The following NOX3 variants were observed in gnomAD, a reference collection of about 807,000 sequenced individuals.
NOX3 encodes NADPH oxidase 3.
A neutral mutation model predicts 76.7 loss-of-function variants in NOX3; 74 were observed. The ratio of observed to expected loss-of-function variants is 0.96; its 90% CI spans 0.80 to 1.17. NOX3 has a LOEUF of 1.17. Among genes scored for constraint, NOX3 ranks in the 50% most tolerant of loss-of-function variants. The probability of loss-of-function intolerance (pLI) is 0.00; values close to 1 mark genes in which losing one functional copy is unlikely to be tolerated. For synonymous variants in NOX3, 263 were observed against 261.1 expected (o/e 1.01, Z -0.07); for missense variants, 695 against 703.3 (o/e 0.99, Z 0.13).
chr6:155,416,468 T>C (rs1037969781), intron 10 of NOX3, among the ~76,000 whole-genome samples: 9 of 152,170 alleles, frequency 5.9e-5, no homozygotes, highest in African/African-American at 2.2e-4. Context: ...ATATTTCTTC[T>C]TAATGATAAG....
At chr6:155,427,526 T>C (rs1007527374) in intron 9 of NOX3, among the ~76,000 whole-genome samples, 5 of 152,204 alleles carry the variant, frequency 3.3e-5, no homozygotes, top group African/African-American at 1.2e-4. Flanking sequence ...CACTGGAGAT[T>C]CCGAGGAGGA....
chr6:155,414,443 T>C (rs530486703), intron 10 of NOX3, among the ~76,000 whole-genome samples: 1 of 152,240 alleles, frequency 6.6e-6, no homozygotes, highest in South Asian at 2.1e-4. Context: ...GTAGAAAGCA[T>C]GCCTTTTCAG....
At chr6:155,443,566 G>T in intron 4 of NOX3, 148 bp from the exon 5 acceptor site, 4 of 880,330 alleles carry the variant, frequency 4.5e-6, no homozygotes, top group Non-Finnish European at 6.7e-6. Flanking sequence ...ATCTTTCCCA[G>T]TGCTTTGAGT....
At chr6:155,408,397 C>T (rs553455955) in intron 11 of NOX3, among the ~76,000 whole-genome samples, 2 of 152,270 alleles carry the variant, frequency 1.3e-5, no homozygotes, top group South Asian at 4.1e-4. Context: ...CCTTAGACCC[C>T]TATGTGGTGC....
intron 12 of NOX3, among the ~76,000 whole-genome samples, chr6:155,406,260 G>A (rs373588709): frequency 8.6e-5 from 13 of 151,976 alleles, no homozygotes; most frequent in East Asian, 5.8e-4. Flanking sequence ...GTATATTTAC[G>A]TTATGAAAAC....
At chr6:155,403,915 AAAATAAATAAAT>A (rs561681617) in intron 12 of NOX3, among the ~76,000 whole-genome samples, 3 of 151,880 alleles carry the variant, frequency 2.0e-5, no homozygotes, top group Admixed American at 6.6e-5. Flanking sequence ...TTTGTGTGTA[AAAATAAATAAAT>A]AAATAAATAA....
chr6:155,396,238 A>G (rs1307378487), intron 13 of NOX3, among the ~76,000 whole-genome samples: 2 of 152,228 alleles, frequency 1.3e-5, no homozygotes, highest in Non-Finnish European at 2.9e-5. Context: ...TGTGAAAGAT[A>G]ACCTCCATTG....
chr6:155,431,228 A>C (rs9384327), intron 7 of NOX3, among the ~76,000 whole-genome samples: 12,162 of 152,202 alleles, frequency 0.08, 1,766 homozygotes, highest in East Asian at 0.71. Flanking sequence ...CAAAGAAATA[A>C]AAAAGCAGAT....
Position 155,429,168 on chromosome 6 carries a change from C to T in NOX3, c.892-121G>A, listed in dbSNP as rs1042865939. ...TGTTTCAGGTGTAATTTACATATCC[C>T]ATCTGCTGTTAGCTCCCAAAGATAT... On this transcript the variant is annotated intron_variant, in intron 8 of 13. Coordinates refer to ENST00000159060, the MANE Select transcript of NOX3 (RefSeq NM_015718.3). 1.1e-5 allele frequency: 11 copies of T among 969,532 alleles called. No individual in the cohort carries two copies. The African/African-American group carries it at 1.3e-4, about 12-fold the overall frequency. 60.1% of individuals were successfully genotyped at this position (969,532 alleles called of 1,614,324 possible). A position where few individuals can be genotyped will look rare whatever the true frequency, so the allele number is the denominator to read the frequency against.
intron 7 of NOX3, among the ~76,000 whole-genome samples, chr6:155,431,413 A>ACACACAC (rs1776830964): frequency 6.9e-6 from 1 of 144,642 alleles, no homozygotes; most frequent in African/African-American, 2.6e-5. Context: ...TAAACACAGA[A>ACACACAC]ACACACACAC....
chr6:155,405,150 GC>G (rs1299329892), intron 12 of NOX3, among the ~76,000 whole-genome samples: 1 of 152,144 alleles, frequency 6.6e-6, no homozygotes, highest in Non-Finnish European at 1.5e-5. Context: ...AGCCCACGAG[GC>G]AGAAATGCAA....
chr6:155,453,504 A>G lies in NOX3; in HGVS notation c.256-16T>C. On this transcript the variant is annotated splice_polypyrimidine_tract_variant and intron_variant, in intron 3 of 13. Transcript: ENST00000159060. ...CTCTGCAGCACTAGAGTAACAAAAA[A>G]ATATGCCTGATTTATGGAAAAATTG... 6.3e-7 allele frequency: 1 copy of G among 1,585,774 alleles called. No homozygotes were observed. The highest frequency in any genetic ancestry group is 8.7e-7 in the Non-Finnish European group (1 of 1,154,460).
intron 10 of NOX3, among the ~76,000 whole-genome samples, chr6:155,420,284 G>T (rs1237543974): frequency 1.3e-5 from 2 of 152,092 alleles, no homozygotes; most frequent in Non-Finnish European, 2.9e-5. Flanking sequence ...AATGAGACAC[G>T]CTATCCACCA....
rs373650137 is a variant in NOX3 at position 155,440,102 on chromosome 6, G to A, written c.522C>T (p.Gly174=). The A allele has an allele frequency of 1.1e-4, 175 of 1,612,166 alleles. No homozygotes were observed. Among genetic ancestry groups the A allele is most frequent in the East Asian group, 5.1e-4 (23 of 44,806 alleles). Reference sequence around the variant, plus strand: ...CCAGAGAGATCACCAGACCGGTGACGCCTGCTATTGTCCTTAGCAATTCAG... The same window carrying A: ...CCAGAGAGATCACCAGACCGGTGACACCTGCTATTGTCCTTAGCAATTCAG... ...TTTELLRTIA[G]VTGLVISLAL... The change falls in exon 6 of 14, where the codon GGC becomes GGT. Residue 174 remains glycine, a synonymous_variant. Coordinates refer to ENST00000159060, the MANE Select transcript of NOX3 (RefSeq NM_015718.3).
chr6:155,404,166 C>T (rs565588108), intron 12 of NOX3, among the ~76,000 whole-genome samples: 5 of 151,086 alleles, frequency 3.3e-5, no homozygotes, highest in Non-Finnish European at 5.9e-5. Context: ...CAACAAAAAC[C>T]CCTTGAGTTT....
intron 12 of NOX3, among the ~76,000 whole-genome samples, chr6:155,399,830 C>T (rs771530342): frequency 9.9e-5 from 15 of 151,896 alleles, no homozygotes; most frequent in Non-Finnish European, 1.8e-4. Flanking sequence ...TACCCACAAT[C>T]GCTTGGAATT....
Position 155,453,479 on chromosome 6 carries a change from C to T in NOX3, c.265G>A (p.Gly89Arg). The T allele has an allele frequency of 1.2e-6, 2 of 1,612,890 alleles. No individual in the cohort carries two copies. The highest frequency in any genetic ancestry group is 1.6e-4 in the Middle Eastern group (1 of 6,062). Residue 89 changes from glycine (G) to arginine (R), a missense_variant, in exon 4 of 14, where the codon GGA becomes AGA. Physicochemically the swap from Gly to Arg is moderately radical, Grantham distance 125. Coordinates refer to ENST00000159060, the MANE Select transcript of NOX3 (RefSeq NM_015718.3). ...FIRGTSICCR[G>R]PWRRQLDKNL... ...TTGTCTAATTGCCTCCTCCACGGTC[C>T]TCTGCAGCACTAGAGTAACAAAAAA...
chr6:155,453,907 C>T (rs941024843), intron 3 of NOX3, among the ~76,000 whole-genome samples: 1 of 151,990 alleles, frequency 6.6e-6, no homozygotes, highest in Non-Finnish European at 1.5e-5. Context: ...TACAGGCATA[C>T]CTCGGAGATA....
intron 6 of NOX3, among the ~76,000 whole-genome samples, chr6:155,439,255 C>G (rs1776949580): frequency 6.6e-6 from 1 of 152,156 alleles, no homozygotes; most frequent in Non-Finnish European, 1.5e-5. Flanking sequence ...AGTTCACAGA[C>G]AGCAATTGAT....
Sources: allele counts gnomAD v4.1 joint callset (sites outside exome capture counted in the v4.1 genomes callset), GRCh38; gene constraint gnomAD v4.1.1; transcripts MANE v1.5; gene names NCBI Gene and HGNC (gene_info 2026-07-23, HGNC 2026-07-21).